The following PRKCH variants were observed in gnomAD, a reference collection of about 807,000 sequenced individuals.
PRKCH encodes protein kinase C eta.
In PRKCH, 28 loss-of-function variants were observed where a neutral mutation model predicts 82.5. The observed-to-expected ratio is 0.34, with a 90% confidence interval of 0.25 to 0.47. The LOEUF (loss-of-function observed/expected upper bound fraction) is 0.47. PRKCH is among the 20% of genes least tolerant of loss of function. PRKCH has a pLI of 1.00. For missense variants in PRKCH, 705 were observed against 881.8 expected (o/e 0.80, Z 2.54); for synonymous variants, 322 against 327.4 (o/e 0.98, Z 0.18).
intron 1 of PRKCH, among the ~76,000 whole-genome samples, chr14:61,316,268 G>A (rs914292512): frequency 1.3e-5 from 2 of 152,114 alleles, no homozygotes; most frequent in Admixed American, 6.5e-5. Context: ...CATTTGACCT[G>A]GCTGTGTTAT....
chr14:61,364,850 T>C (rs1219578536), intron 1 of PRKCH, among the ~76,000 whole-genome samples: 1 of 151,644 alleles, frequency 6.6e-6, no homozygotes, highest in African/African-American at 2.4e-5. Context: ...AAAAAACAAT[T>C]AAAAATAAAA....
intron 1 of PRKCH, among the ~76,000 whole-genome samples, chr14:61,376,865 G>A (rs923378021): frequency 6.6e-6 from 1 of 152,180 alleles, no homozygotes; most frequent in Non-Finnish European, 1.5e-5. Flanking sequence ...TCACTTAAAT[G>A]AGATACAATT....
chr14:61,304,130 A>C (rs539627032), intron 1 of PRKCH: 3 of 152,136 alleles, frequency 2.0e-5, no homozygotes, highest in African/African-American at 7.2e-5. Flanking sequence ...AAATGTAAGA[A>C]TCTTACAATA....
intron 1 of PRKCH, among the ~76,000 whole-genome samples, chr14:61,209,890 T>A (rs1360672248): frequency 1.3e-5 from 2 of 151,774 alleles, no homozygotes; most frequent in African/African-American, 4.8e-5. Flanking sequence ...CACCCACTTA[T>A]AAATGAGAAC....
chr14:61,514,231 GT>G (rs1419762309), intron 10 of PRKCH, among the ~76,000 whole-genome samples: 1 of 149,120 alleles, frequency 6.7e-6, no homozygotes, highest in East Asian at 2.0e-4. Context: ...CACTCCAAGA[GT>G]TCACTGTGTC....
intron 1 of PRKCH, among the ~76,000 whole-genome samples, chr14:61,339,939 C>T (rs965159063): frequency 6.6e-6 from 1 of 151,912 alleles, no homozygotes; most frequent in Non-Finnish European, 1.5e-5. Context: ...CTTGACTTGG[C>T]CTCCCAAAGT....
intron 1 of PRKCH, among the ~76,000 whole-genome samples, chr14:61,310,469 C>T (rs1351483880): frequency 6.6e-6 from 1 of 152,210 alleles, no homozygotes; most frequent in African/African-American, 2.4e-5. Flanking sequence ...AAATGGTCTC[C>T]TTTGACTCCA....
chr14:61,320,601 A>G (rs1566818025), upstream of PRKCH, among the ~76,000 whole-genome samples: 5 of 151,580 alleles, frequency 3.3e-5, no homozygotes. Flanking sequence ...CTCCGTCTCA[A>G]AAACAACAAC....
chr14:61,414,567 C>T (rs1240797987), intron 2 of PRKCH, among the ~76,000 whole-genome samples: 3 of 151,414 alleles, frequency 2.0e-5, no homozygotes, highest in Non-Finnish European at 4.4e-5. Flanking sequence ...GCCACTGTGC[C>T]CGGCATGGGC....
intron 2 of PRKCH, among the ~76,000 whole-genome samples, chr14:61,425,153 G>C (rs1018476655): frequency 6.6e-6 from 1 of 152,226 alleles, no homozygotes; most frequent in Non-Finnish European, 1.5e-5. Context: ...AAAGTGAGGG[G>C]TTGGAGCCCC....
At chr14:61,308,382 C>T (rs115185601) in intron 1 of PRKCH, among the ~76,000 whole-genome samples, 6,086 of 152,218 alleles carry the variant, frequency 0.04, 173 homozygotes, top group Middle Eastern at 0.078. Context: ...TTCAGTTGTT[C>T]GGACTCTTAA....
chr14:61,399,224 T>C (rs1881463968), intron 2 of PRKCH, among the ~76,000 whole-genome samples: 1 of 152,252 alleles, frequency 6.6e-6, no homozygotes, highest in Non-Finnish European at 1.5e-5. Flanking sequence ...TATAGTATTC[T>C]ACTTTTGCAT....
intron 1 of PRKCH, among the ~76,000 whole-genome samples, chr14:61,275,721 T>C (rs2045196130): frequency 6.7e-6 from 1 of 149,342 alleles, no homozygotes; most frequent in African/African-American, 2.6e-5. Flanking sequence ...CTTCTAGGTA[T>C]CCTGCTCCTC....
intron 10 of PRKCH, among the ~76,000 whole-genome samples, chr14:61,507,131 C>T (rs1887184316): frequency 6.6e-6 from 1 of 152,062 alleles, no homozygotes; most frequent in African/African-American, 2.4e-5. Flanking sequence ...GGACAAAGGA[C>T]CTGAATAGAC....
At chr14:61,326,999 A>T in intron 1 of PRKCH, 1 of 453,528 alleles carries the variant, frequency 2.2e-6, no homozygotes, top group South Asian at 1.6e-5. Context: ...CTTAATGCAG[A>T]GTGCTGGGGA....
At chr14:61,449,715 A>G (rs916270254) in intron 5 of PRKCH, among the ~76,000 whole-genome samples, 1 of 152,204 alleles carries the variant, frequency 6.6e-6, no homozygotes, top group African/African-American at 2.4e-5. Flanking sequence ...TTAAAACAGG[A>G]TCAATGTTTC....
At chr14:61,296,420 G>T (rs2045406604) in intron 1 of PRKCH, among the ~76,000 whole-genome samples, 1 of 152,210 alleles carries the variant, frequency 6.6e-6, no homozygotes, top group African/African-American at 2.4e-5. Flanking sequence ...TGCCCCCAGA[G>T]TTGGGTGGCA....
chr14:61,374,590 A>G (rs1346974369), intron 1 of PRKCH, among the ~76,000 whole-genome samples: 2 of 151,998 alleles, frequency 1.3e-5, no homozygotes, highest in Non-Finnish European at 2.9e-5. Flanking sequence ...CAGGCCCAAC[A>G]CTATATAGAA....
chr14:61,250,214 G>A (rs1242340622), intron 1 of PRKCH, among the ~76,000 whole-genome samples: 1 of 150,526 alleles, frequency 6.6e-6, no homozygotes, highest in East Asian at 2.0e-4. Context: ...TCCAGCCTGG[G>A]CGATAGAGTG....
Sources: allele counts gnomAD v4.1 joint callset (sites outside exome capture counted in the v4.1 genomes callset), GRCh38; gene constraint gnomAD v4.1.1; transcripts MANE v1.5; gene names NCBI Gene and HGNC (gene_info 2026-07-23, HGNC 2026-07-21).